The following HECW2 variants were observed in gnomAD, a reference collection of about 807,000 sequenced individuals.
The protein encoded by HECW2 is HECT, C2 and WW domain containing E3 ubiquitin protein ligase 2.
A neutral mutation model predicts 175.2 loss-of-function variants in HECW2; 61 were observed. The ratio of observed to expected loss-of-function variants is 0.35; its 90% CI spans 0.28 to 0.43. The LOEUF is 0.43. Ranked by LOEUF, HECW2 falls within the 20% of genes least tolerant of loss-of-function variation. The pLI is 1.00. For synonymous variants in HECW2, 671 were observed against 731.0 expected, an observed-to-expected ratio of 0.92 and a Z score of 1.32; for missense variants, 1,524 against 2,000.5, an observed-to-expected ratio of 0.76 and a Z score of 4.54.
intron 2 of HECW2, among the ~76,000 whole-genome samples, chr2:196,377,547 TTCAC>T (rs1482792650): frequency 1.3e-5 from 2 of 152,196 alleles, no homozygotes; most frequent in African/African-American, 2.4e-5. Flanking sequence ...ATGAGACTTA[TTCAC>T]TATCATGAGA....
At chr2:196,250,115 C>T (rs2105905136) in intron 19 of HECW2, among the ~76,000 whole-genome samples, 1 of 152,298 alleles carries the variant, frequency 6.6e-6, no homozygotes, top group Middle Eastern at 3.4e-3. Context: ...ACCTTTTCCT[C>T]AGGGAGGAGA....
At position 196,319,198 on chromosome 2, in the gene HECW2, A is replaced by C. The variant is rs554966470; in HGVS notation, c.1692T>G (p.Ser564Arg). 2.5e-6 allele frequency: 4 copies of C among 1,597,804 alleles called. No homozygotes were observed. Among genetic ancestry groups the C allele is most frequent in the Non-Finnish European group, 2.6e-6 (3 of 1,171,740 alleles). ...CCTCTTGAGAGCCACACAGTTCAGCACTGCCCTGGTCAGCACTGGGTTGAG... is the reference window on the plus strand; with the variant it reads ...CCTCTTGAGAGCCACACAGTTCAGCCCTGCCCTGGTCAGCACTGGGTTGAG... ...PEPQPSADQG[S>R]AELCGSQEVD... is the part of the protein sequence containing the mutation. Residue 564 changes from serine to arginine, a missense_variant, in exon 9 of 29, where the codon AGT becomes AGG. By Grantham distance (110) the Ser-to-Arg change is moderately radical. This residue lies in a region of HECW2 where 604 missense variants were observed against 588.3 expected (regional missense o/e 1.03). Coordinates refer to ENST00000644978, the MANE Select transcript of HECW2 (RefSeq NM_001348768.2).
intron 1 of HECW2, among the ~76,000 whole-genome samples, chr2:196,534,929 T>C (rs930997705): frequency 1.3e-5 from 2 of 152,112 alleles, no homozygotes; most frequent in Non-Finnish European, 2.9e-5. Context: ...ATGGAGAAAT[T>C]TTTGAAACAG....
At chr2:196,224,641 A>G (rs1687785621) in intron 23 of HECW2, among the ~76,000 whole-genome samples, 1 of 152,192 alleles carries the variant, frequency 6.6e-6, no homozygotes, top group Non-Finnish European at 1.5e-5. Context: ...CAGCAGCATG[A>G]TCCAATAAGA....
intron 14 of HECW2, among the ~76,000 whole-genome samples, chr2:196,279,337 C>CG (rs769962874): frequency 3.7e-4 from 57 of 152,168 alleles, no homozygotes; most frequent in Admixed American, 8.5e-4. Flanking sequence ...CGTGAGCCAC[C>CG]GCGCCTGGCC....
intron 1 of HECW2, among the ~76,000 whole-genome samples, chr2:196,483,505 A>C (rs1333850768): frequency 1.3e-5 from 2 of 152,202 alleles, no homozygotes. Context: ...CATTTAGTAG[A>C]AACATCTTTC....
chr2:196,427,386 A>C (rs1695579912), intron 2 of HECW2, among the ~76,000 whole-genome samples: 1 of 152,180 alleles, frequency 6.6e-6, no homozygotes, highest in Non-Finnish European at 1.5e-5. Flanking sequence ...CAAATGAGAA[A>C]TGGCAAATGG....
intron 28 of HECW2, among the ~76,000 whole-genome samples, chr2:196,202,072 G>A (rs184031586): frequency 1.3e-5 from 2 of 152,198 alleles, no homozygotes; most frequent in Admixed American, 6.5e-5. Context: ...ATGTTTTCCT[G>A]TTATTTGCAT....
chr2:196,483,379 C>A (rs1686906461), intron 1 of HECW2, among the ~76,000 whole-genome samples: 1 of 152,158 alleles, frequency 6.6e-6, no homozygotes, highest in South Asian at 2.1e-4. Flanking sequence ...AGAAGACAGA[C>A]ACAAAAATTG....
intron 2 of HECW2, among the ~76,000 whole-genome samples, chr2:196,378,838 A>C (rs1455367408): frequency 6.6e-6 from 1 of 152,228 alleles, no homozygotes; most frequent in Admixed American, 6.5e-5. Flanking sequence ...GAAACATTCT[A>C]ACGAAGACAT....
At chr2:196,331,044 A>G in intron 4 of HECW2, 1 of 566,704 alleles carries the variant, frequency 1.8e-6, no homozygotes. Context: ...AAGTTGAGAA[A>G]TTCCATTCAA....
chr2:196,460,049 A>G (rs10181891), intron 1 of HECW2, among the ~76,000 whole-genome samples: 32,999 of 152,062 alleles, frequency 0.22, 4,108 homozygotes, highest in African/African-American at 0.34. Context: ...CTGGTCTCCA[A>G]TGGAAGGCTA....
At chr2:196,367,193 C>G (rs943692152) in intron 2 of HECW2, among the ~76,000 whole-genome samples, 2 of 152,178 alleles carry the variant, frequency 1.3e-5, no homozygotes, top group African/African-American at 4.8e-5. Flanking sequence ...ACATATCGCA[C>G]AGATTCCCAC....
Position 196,317,461 on chromosome 2 carries a change from C to T in HECW2, c.2339-92G>A, listed in dbSNP as rs1462747201. 6.5e-6 allele frequency: 6 copies of T among 917,636 alleles called. No homozygotes were observed. The African/African-American group carries it at 8.3e-5, about 13-fold the overall frequency. 56.8% of individuals were successfully genotyped at this position (917,636 alleles called of 1,614,324 possible). A position where few individuals can be genotyped will look rare whatever the true frequency, so the allele number is the denominator to read the frequency against. On this transcript the variant is annotated intron_variant, in intron 9 of 28. Transcript: ENST00000644978. The stretch of plus-strand genomic sequence containing the variant: ...AAAAAACCTAACATAATTCCCAAGG[C>T]TAGTTTCTTTTCTCTGTTTAGTCTC...
rs1575332498 is a variant in HECW2 at position 196,271,256 on chromosome 2, T to C, written c.3272A>G (p.Gln1091Arg). 1.1e-5 allele frequency: 18 copies of C among 1,611,654 alleles called. No homozygotes were observed. The East Asian group carries it at 4.0e-4, about 36-fold the overall frequency. Residue 1091 changes from glutamine (Q) to arginine (R), a missense_variant, in exon 17 of 29, where the codon CAA becomes CGA. Transcript: ENST00000644978. ...CTGTAGAATTTCAAAGATATTGGGT[T>C]GACGTAGAAATGCAACAATCTTGTC... ...YNDKIVAFLR[Q>R]PNIFEILQER...
intron 21 of HECW2, chr2:196,238,477 T>C (rs1406124780): frequency 6.6e-6 from 1 of 152,030 alleles, no homozygotes; most frequent in Admixed American, 6.5e-5. Context: ...TTTTTAGCTT[T>C]CTATTTTTCC....
intron 1 of HECW2, among the ~76,000 whole-genome samples, chr2:196,434,710 G>T (rs7590951): frequency 0.95 from 143,973 of 152,286 alleles, 68,178 homozygotes; most frequent in East Asian, 1. Context: ...CATTTATTCC[G>T]CAATCTTGGT....
At chr2:196,263,860 C>T (rs764706245) in intron 17 of HECW2, 4 of 152,196 alleles carry the variant, frequency 2.6e-5, no homozygotes, top group Non-Finnish European at 2.9e-5. Context: ...AAATGAAATA[C>T]TTAGCCTGGA....
At chr2:196,577,802 C>CA (rs1690614546) in intron 1 of HECW2, among the ~76,000 whole-genome samples, 1 of 152,154 alleles carries the variant, frequency 6.6e-6, no homozygotes, top group Non-Finnish European at 1.5e-5. Flanking sequence ...TATAACCAGA[C>CA]AGAGACTCCA....
Sources: allele counts gnomAD v4.1 joint callset (sites outside exome capture counted in the v4.1 genomes callset), GRCh38; gene constraint gnomAD v4.1.1; regional missense constraint gnomAD v4.1.1; transcripts MANE v1.5; gene names NCBI Gene and HGNC (gene_info 2026-07-23, HGNC 2026-07-21).